The following ACOXL variants were observed in gnomAD, a reference collection of about 807,000 sequenced individuals.
ACOXL encodes the protein acyl-coenzyme A oxidase-like protein.
In ACOXL, 70 loss-of-function variants were observed where a neutral mutation model predicts 71.9. That is an observed-to-expected ratio of 0.97 (90% CI 0.80 to 1.19). The LOEUF (loss-of-function observed/expected upper bound fraction) is 1.19, where lower values mean the gene tolerates loss of function less well. Ranked by LOEUF, ACOXL falls within the 50% of genes most tolerant of loss-of-function variation. ACOXL has a pLI of 0.00. For missense variants in ACOXL, 703 were observed against 736.3 expected, an observed-to-expected ratio of 0.95 and a Z score of 0.52; for synonymous variants, 253 against 281.6, an observed-to-expected ratio of 0.90 and a Z score of 1.02.
chr2:110,818,451 G>GTGTGTGTGTGTGTGTGTA (rs1373497384), intron 9 of ACOXL, among the ~76,000 whole-genome samples: 8 of 135,826 alleles, frequency 5.9e-5, no homozygotes, highest in African/African-American at 2.2e-4. Flanking sequence ...GTGTGTGTGT[G>GTGTGTGTGTGTGTGTGTA]TATATATATA....
At chr2:110,870,773 T>A (rs1477951120) in intron 10 of ACOXL, among the ~76,000 whole-genome samples, 1 of 152,198 alleles carries the variant, frequency 6.6e-6, no homozygotes, top group Non-Finnish European at 1.5e-5. Flanking sequence ...TAATTTCTGA[T>A]CAAAATCAGT....
chr2:110,896,068 A>G (rs1289491091), intron 10 of ACOXL, among the ~76,000 whole-genome samples: 2 of 152,192 alleles, frequency 1.3e-5, no homozygotes, highest in African/African-American at 4.8e-5. Context: ...CTAAATTAAT[A>G]GAAGAAATAT....
intron 12 of ACOXL, chr2:110,963,822 G>A (rs977317867): frequency 1.4e-6 from 2 of 1,447,468 alleles, no homozygotes; most frequent in Admixed American, 4.1e-5. Flanking sequence ...GTGCTTTCCT[G>A]TTAGGCACTT....
At chr2:110,904,073 A>T (rs1449657967) in intron 10 of ACOXL, among the ~76,000 whole-genome samples, 1 of 152,146 alleles carries the variant, frequency 6.6e-6, no homozygotes, top group Non-Finnish European at 1.5e-5. Flanking sequence ...AGCACATCTG[A>T]TGGGTGGTGA....
At chr2:110,819,792 C>T (rs1464379332) in intron 9 of ACOXL, among the ~76,000 whole-genome samples, 1 of 152,104 alleles carries the variant, frequency 6.6e-6, no homozygotes, top group Admixed American at 6.5e-5. Flanking sequence ...AGAGAAGGGG[C>T]TGAGGATAAG....
intron 2 of ACOXL, among the ~76,000 whole-genome samples, chr2:110,781,106 C>T (rs537036941): frequency 6.6e-6 from 1 of 152,282 alleles, no homozygotes; most frequent in African/African-American, 2.4e-5. Flanking sequence ...ATGGGGATGC[C>T]TGCTGGGGGA....
intron 14 of ACOXL, among the ~76,000 whole-genome samples, chr2:111,000,195 A>T (rs2063557526): frequency 6.6e-6 from 1 of 152,186 alleles, no homozygotes; most frequent in African/African-American, 2.4e-5. Flanking sequence ...GGTAAAAATT[A>T]TTGGAAACTG....
chr2:111,091,889 GCATGACTGTGAACCA>G (rs778921177), intron 16 of ACOXL, among the ~76,000 whole-genome samples: 51 of 152,302 alleles, frequency 3.3e-4, no homozygotes, highest in Non-Finnish European at 5.4e-4. Flanking sequence ...CACAGGGTCT[GCATGACTGTGAACCA>G]CATGACTGTG....
chr2:110,975,808 CAA>C lies in ACOXL; in HGVS notation c.1060-11288_1060-11287del, dbSNP rs200729331. On this transcript the variant is annotated intron_variant, in intron 12 of 17. Transcript: ENST00000439055. ...CTTGGAAAATTAAAAATAAAGATTG[CAA>C]AAAAAAAAAAATCCAATGTAAGGGC... Among the ~76,000 whole-genome samples the C allele has an allele frequency of 1.4e-3, 177 of 125,012 alleles. 1 individual carries two copies. The highest frequency in any genetic ancestry group is 9.0e-3 in the Admixed American group (111 of 12,266). The allele number at this position is 125,012 out of a possible 152,430, so 82.0% of individuals were successfully genotyped here.
At chr2:111,052,123 G>A (rs2066316153) in intron 16 of ACOXL, among the ~76,000 whole-genome samples, 1 of 152,188 alleles carries the variant, frequency 6.6e-6, no homozygotes, top group South Asian at 2.1e-4. Flanking sequence ...GATGGCATAA[G>A]CCAGAACATT....
At chr2:111,109,977 C>T (rs1200801551) in intron 17 of ACOXL, among the ~76,000 whole-genome samples, 1 of 152,148 alleles carries the variant, frequency 6.6e-6, no homozygotes, top group Non-Finnish European at 1.5e-5. Context: ...CGTGCCTGGC[C>T]TTCTCCTTGT....
chr2:110,971,925 A>G (rs1388700694), intron 12 of ACOXL, among the ~76,000 whole-genome samples: 4 of 152,212 alleles, frequency 2.6e-5, no homozygotes, highest in Admixed American at 2.6e-4. Flanking sequence ...AGTATATTTT[A>G]AACATAAGCA....
chr2:110,738,951 C>T (rs540513708), intron 1 of ACOXL, among the ~76,000 whole-genome samples: 1 of 152,080 alleles, frequency 6.6e-6, no homozygotes, highest in East Asian at 1.9e-4. Context: ...TTCAAAAGTT[C>T]TCTGTTCCTT....
chr2:110,974,952 G>A (rs979285598), intron 12 of ACOXL, among the ~76,000 whole-genome samples: 3 of 152,210 alleles, frequency 2.0e-5, no homozygotes, highest in African/African-American at 7.2e-5. Context: ...GTGGTTTGGG[G>A]TAGGACAGAC....
chr2:110,877,993 A>G (rs1339339085), intron 10 of ACOXL, among the ~76,000 whole-genome samples: 1 of 152,338 alleles, frequency 6.6e-6, no homozygotes, highest in Admixed American at 6.5e-5. Context: ...AGCCTCAGGA[A>G]GCACTCTTGG....
chr2:110,732,866 T>TGGCGAG (rs976952312), intron 1 of ACOXL, 92 bp downstream of exon 1: 1 of 152,180 alleles, frequency 6.6e-6, no homozygotes, highest in Non-Finnish European at 1.5e-5. Context: ...GACAACGCCC[T>TGGCGAG]GGCGAGGGCG....
In ACOXL at chr2:111,069,084, C is replaced by T. The variant is rs530876822; in HGVS notation, c.1440+19796C>T. Among the ~76,000 whole-genome samples the T allele has an allele frequency of 4.6e-5, 7 of 151,484 alleles. No individual in the cohort carries two copies. In the South Asian group the frequency reaches 1.3e-3, roughly 27 times the overall value. ...AAAATATGGCAGATGGCCGTCTTCT[C>T]GCTATGTCCTGGCCTTTTCTCTGTG... On this transcript the variant is annotated intron_variant, in intron 16 of 17. Transcript: ENST00000439055.
chr2:110,770,808 G>A (rs544657520), intron 2 of ACOXL, among the ~76,000 whole-genome samples: 2 of 152,330 alleles, frequency 1.3e-5, no homozygotes, highest in South Asian at 4.1e-4. Context: ...CCCTTAATCA[G>A]CCCAACATGT....
At chr2:110,897,097 TC>T (rs1341022868) in intron 10 of ACOXL, among the ~76,000 whole-genome samples, 2 of 152,140 alleles carry the variant, frequency 1.3e-5, no homozygotes, top group African/African-American at 4.8e-5. Flanking sequence ...CGCCATCACT[TC>T]CTAAATAAAC....
Sources: gnomAD v4.1 joint callset for allele counts (sites outside exome capture counted in the v4.1 genomes callset) on GRCh38, gnomAD v4.1.1 for gene constraint, MANE v1.5 for transcripts, NCBI Gene and HGNC (gene_info 2026-07-23, HGNC 2026-07-21) for gene names.